PDE1C: variants seen among roughly 807,000 people sequenced by gnomAD.
The protein encoded by PDE1C is phosphodiesterase 1C.
PDE1C carries 62 observed loss-of-function variants against 93.1 expected under a neutral mutation model. The ratio of observed to expected loss-of-function variants is 0.67; its 90% CI spans 0.54 to 0.82. The LOEUF (loss-of-function observed/expected upper bound fraction) is 0.82. PDE1C is among the 40% of genes least tolerant of loss of function. The pLI, the probability that PDE1C is intolerant of heterozygous loss-of-function variation, is 0.00. For synonymous variants in PDE1C, 325 were observed against 310.1 expected (o/e 1.05, Z -0.50); for missense variants, 742 against 884.6 (o/e 0.84, Z 2.04).
chr7:31,633,374 T>TA, the PDE1C span, among the ~76,000 whole-genome samples: 2 of 152,176 alleles, frequency 1.3e-5, no homozygotes, highest in Non-Finnish European at 2.9e-5. Flanking sequence ...TCTGACCAGA[T>TA]AGGAGTCATT....
the PDE1C span, among the ~76,000 whole-genome samples, chr7:31,703,582 A>G: frequency 9.2e-5 from 14 of 152,230 alleles, no homozygotes; most frequent in Non-Finnish European, 2.1e-4. Context: ...TAGCTGAAGT[A>G]CTTTATTTTT....
At chr7:31,634,699 A>G in the PDE1C span, among the ~76,000 whole-genome samples, 5 of 152,168 alleles carry the variant, frequency 3.3e-5, no homozygotes, top group Non-Finnish European at 7.4e-5. Context: ...CATGAAAAAA[A>G]TTGTGCAGGG....
the PDE1C span, chr7:31,658,192 G>C: frequency 4.0e-3 from 5,268 of 1,301,164 alleles, 63 homozygotes; most frequent in South Asian, 0.022. Flanking sequence ...AAGGATATTC[G>C]TTTTTTAGCC....
chr7:32,128,902 AACAAAT>A (rs1434220143), intron 3 of PDE1C, among the ~76,000 whole-genome samples: 5 of 89,992 alleles, frequency 5.6e-5, no homozygotes, highest in African/African-American at 2.2e-4. Flanking sequence ...CTTAAAGTAT[AACAAAT>A]ATATATATAT....
intron 1 of PDE1C, among the ~76,000 whole-genome samples, chr7:32,406,433 T>C (rs1422110468): frequency 6.6e-6 from 1 of 151,270 alleles, no homozygotes; most frequent in Non-Finnish European, 1.5e-5. Flanking sequence ...CTATTTCTAG[T>C]ATACGAGGGA....
At chr7:31,945,944 T>G (rs1224834736) in intron 2 of PDE1C, among the ~76,000 whole-genome samples, 1 of 152,198 alleles carries the variant, frequency 6.6e-6, no homozygotes. Context: ...TTTCCTTGGA[T>G]AGTTGATTTC....
the PDE1C span, among the ~76,000 whole-genome samples, chr7:31,739,182 C>T: frequency 2.8e-5 from 4 of 144,798 alleles, no homozygotes; most frequent in Admixed American, 7.2e-5. Flanking sequence ...CAGTGATTGA[C>T]GTCAGCAGTA....
At chr7:32,424,603 T>C (rs1475725269) in intron 1 of PDE1C, among the ~76,000 whole-genome samples, 1 of 152,140 alleles carries the variant, frequency 6.6e-6, no homozygotes, top group Non-Finnish European at 1.5e-5. Context: ...ACAGATCACT[T>C]GAGCCCAGGC....
intron 1 of PDE1C, among the ~76,000 whole-genome samples, chr7:32,339,010 G>GCA (rs57740255): frequency 0.065 from 9,005 of 138,478 alleles, 390 homozygotes; most frequent in East Asian, 0.23. Context: ...CTCAAAAAAA[G>GCA]CACACACACA....
At chr7:31,766,203 T>C (rs1179905708) in intron 17 of PDE1C, among the ~76,000 whole-genome samples, 1 of 151,850 alleles carries the variant, frequency 6.6e-6, no homozygotes, top group East Asian at 1.9e-4. Context: ...GCTAACACAG[T>C]GAAACCCCGT....
chr7:31,840,895 A>G (rs1791777510), intron 9 of PDE1C, among the ~76,000 whole-genome samples: 1 of 152,106 alleles, frequency 6.6e-6, no homozygotes, highest in African/African-American at 2.4e-5. Flanking sequence ...TGGCATTTCT[A>G]TATAAAGTTT....
intron 1 of PDE1C, among the ~76,000 whole-genome samples, chr7:32,285,042 A>C (rs1311032926): frequency 6.6e-6 from 1 of 151,870 alleles, no homozygotes; most frequent in Non-Finnish European, 1.5e-5. Flanking sequence ...AAAAAAAAAA[A>C]AGAAAAAAGA....
At chr7:32,282,482 A>AT in intron 1 of PDE1C, among the ~76,000 whole-genome samples, 1 of 151,248 alleles carries the variant, frequency 6.6e-6, no homozygotes, top group African/African-American at 2.4e-5. Context: ...CCATCAAAAA[A>AT]AAAATAGATA....
At chr7:32,017,656 C>A (rs528017340) in intron 2 of PDE1C, among the ~76,000 whole-genome samples, 1 of 152,070 alleles carries the variant, frequency 6.6e-6, no homozygotes, top group Middle Eastern at 3.4e-3. Flanking sequence ...ATTATTAAAA[C>A]GACAAACAAC....
chr7:32,119,066 G>C (rs568996044), intron 3 of PDE1C, among the ~76,000 whole-genome samples: 2 of 152,288 alleles, frequency 1.3e-5, no homozygotes, highest in Non-Finnish European at 2.9e-5. Context: ...TCAATGGCAA[G>C]CTGGAAGCTA....
chr7:32,037,540 T>C (rs1791272695), intron 2 of PDE1C, among the ~76,000 whole-genome samples: 1 of 152,172 alleles, frequency 6.6e-6, no homozygotes, highest in Admixed American at 6.5e-5. Context: ...TTTCCACATC[T>C]GGCTGTTTTT....
chr7:32,389,953 C>G (rs1784720033), intron 1 of PDE1C, among the ~76,000 whole-genome samples: 1 of 152,184 alleles, frequency 6.6e-6, no homozygotes, highest in Non-Finnish European at 1.5e-5. Flanking sequence ...CTCATGTCTT[C>G]TCTCTCTGAG....
intron 1 of PDE1C, among the ~76,000 whole-genome samples, chr7:32,069,097 T>C (rs955145209): frequency 6.6e-5 from 10 of 152,314 alleles, no homozygotes; most frequent in East Asian, 3.9e-4. Flanking sequence ...TGGTTTCCCA[T>C]TGAAATCAAT....
chr7:31,865,145 G>A (rs768121159), intron 6 of PDE1C, 63 bp from the exon 7 acceptor site: 83 of 1,574,382 alleles, frequency 5.3e-5, no homozygotes, highest in Middle Eastern at 1.7e-4. Context: ...AGACACAGAA[G>A]TCTAAGGCAC....
Sources: gnomAD v4.1 joint callset for allele counts (sites outside exome capture counted in the v4.1 genomes callset) on GRCh38, gnomAD v4.1.1 for gene constraint, MANE v1.5 for transcripts, NCBI Gene and HGNC (gene_info 2026-07-23, HGNC 2026-07-21) for gene names.